The following NOS1AP variants were observed in gnomAD, a reference collection of about 807,000 sequenced individuals.
NOS1AP encodes nitric oxide synthase 1 adaptor protein.
NOS1AP carries 21 observed loss-of-function variants against 56.2 expected under a neutral mutation model. The ratio of observed to expected loss-of-function variants is 0.37; its 90% CI spans 0.26 to 0.54. The LOEUF (loss-of-function observed/expected upper bound fraction) is 0.54. Among genes scored for constraint, NOS1AP ranks in the 20% least tolerant of loss-of-function variants. The pLI is 0.84. For synonymous variants in NOS1AP, 270 were observed against 274.6 expected, an observed-to-expected ratio of 0.98 and a Z score of 0.17; for missense variants, 522 against 657.8, an observed-to-expected ratio of 0.79 and a Z score of 2.26.
At chr1:162,300,515 C>T (rs1389747780) in intron 3 of NOS1AP, 118 bp from the exon 4 acceptor site, 2 of 845,872 alleles carry the variant, frequency 2.4e-6, no homozygotes, top group Admixed American at 1.7e-5. Context: ...CAACTCCAGG[C>T]CTCTTAGAGG....
chr1:162,220,093 G>A (rs145204235), intron 2 of NOS1AP, among the ~76,000 whole-genome samples: 162 of 152,200 alleles, frequency 1.1e-3, no homozygotes, highest in African/African-American at 3.5e-3. Context: ...CATCATACCC[G>A]GCTAATTTTA....
At chr1:162,239,979 A>T (rs1410112712) in intron 2 of NOS1AP, among the ~76,000 whole-genome samples, 2 of 152,200 alleles carry the variant, frequency 1.3e-5, no homozygotes, top group Non-Finnish European at 2.9e-5. Context: ...TGCTTCAGTA[A>T]TGTGGCATCA....
At chr1:162,365,184 C>G in intron 8 of NOS1AP, 2 of 1,439,482 alleles carry the variant, frequency 1.4e-6, no homozygotes, top group South Asian at 3.0e-5. Context: ...CATGGCCCTC[C>G]CTTAGGACAC....
At chr1:162,264,470 C>CT (rs1557855374) in intron 2 of NOS1AP, among the ~76,000 whole-genome samples, 150 of 11,390 alleles carry the variant, frequency 0.013, no homozygotes, top group Non-Finnish European at 0.026. Context: ...CTTCTCCTCC[C>CT]CTCCCCTCCC....
intron 2 of NOS1AP, among the ~76,000 whole-genome samples, chr1:162,182,344 G>A (rs1360792379): frequency 6.6e-6 from 1 of 152,184 alleles, no homozygotes; most frequent in Non-Finnish European, 1.5e-5. Context: ...GCAATAAAAC[G>A]AGTATCTCAA....
intron 2 of NOS1AP, among the ~76,000 whole-genome samples, chr1:162,182,232 T>C (rs951225974): frequency 1.3e-5 from 2 of 152,080 alleles, no homozygotes; most frequent in African/African-American, 4.8e-5. Context: ...CTGTGCAGGG[T>C]ACTTTCATAC....
At chr1:162,196,883 C>T (rs1651823039) in intron 2 of NOS1AP, among the ~76,000 whole-genome samples, 1 of 152,196 alleles carries the variant, frequency 6.6e-6, no homozygotes, top group South Asian at 2.1e-4. Flanking sequence ...GGGCTGGAGG[C>T]CCCGCTATGG....
intron 2 of NOS1AP, among the ~76,000 whole-genome samples, chr1:162,240,165 A>G (rs182293711): frequency 4.6e-5 from 7 of 151,962 alleles, no homozygotes; most frequent in African/African-American, 1.7e-4. Context: ...AGCCACAACA[A>G]CTGCCAGCTG....
intron 2 of NOS1AP, among the ~76,000 whole-genome samples, chr1:162,248,938 C>A (rs972580756): frequency 6.6e-6 from 1 of 151,982 alleles, no homozygotes; most frequent in Non-Finnish European, 1.5e-5. Flanking sequence ...TTCCTTTTAT[C>A]AAGGGGTGAT....
intron 2 of NOS1AP, among the ~76,000 whole-genome samples, chr1:162,193,911 T>C (rs993239573): frequency 1.3e-5 from 2 of 152,174 alleles, no homozygotes; most frequent in Non-Finnish European, 2.9e-5. Flanking sequence ...GTTACCTTTC[T>C]GTCTGAGCTA....
intron 6 of NOS1AP, among the ~76,000 whole-genome samples, chr1:162,354,068 G>T (rs1224289494): frequency 1.3e-5 from 2 of 152,204 alleles, no homozygotes; most frequent in Non-Finnish European, 2.9e-5. Flanking sequence ...TAAATGCCAG[G>T]CTTGTTTCCC....
At chr1:162,279,714 G>T (rs1654857515) in intron 2 of NOS1AP, among the ~76,000 whole-genome samples, 1 of 152,118 alleles carries the variant, frequency 6.6e-6, no homozygotes, top group Non-Finnish European at 1.5e-5. Context: ...TTATAAAATG[G>T]GGTTTGTGTG....
intron 2 of NOS1AP, among the ~76,000 whole-genome samples, chr1:162,255,325 A>G (rs1028079425): frequency 2.0e-5 from 3 of 151,918 alleles, no homozygotes; most frequent in Non-Finnish European, 4.4e-5. Flanking sequence ...CTTTGCTGCA[A>G]TTTCCTGTTT....
chr1:162,357,097 CCAGCAG>C lies in NOS1AP; in HGVS notation c.913_918del (p.Gln305_Gln306del). The C allele has an allele frequency of 6.2e-7, 1 of 1,607,918 alleles. No individual in the cohort carries two copies. On this transcript the variant is annotated inframe_deletion, in exon 8 of 10. Transcript: ENST00000361897. ...AGATGCAGCTCCTCCAGCAGCTCCT[CCAGCAG>C]CAGCAGCAGCAGACACAAGTGGCTG...
chr1:162,333,459 T>C (rs1656840764), intron 5 of NOS1AP, among the ~76,000 whole-genome samples: 2 of 152,198 alleles, frequency 1.3e-5, no homozygotes, highest in Admixed American at 6.5e-5. Context: ...ATCACAATTC[T>C]GTATATTGAT....
chr1:162,326,033 G>T (rs886772047), intron 4 of NOS1AP, among the ~76,000 whole-genome samples: 26 of 152,162 alleles, frequency 1.7e-4, no homozygotes, highest in Non-Finnish European at 3.7e-4. Flanking sequence ...GAGAATATTT[G>T]TGCATCTGTT....
chr1:162,245,806 T>C lies in NOS1AP; in HGVS notation c.178-41538T>C, dbSNP rs1034607152. Among the ~76,000 whole-genome samples the C allele has an allele frequency of 7.2e-5, 11 of 152,362 alleles. No homozygotes were observed. The East Asian group carries it at 2.1e-3, about 29-fold the overall frequency. On this transcript the variant is annotated intron_variant, in intron 2 of 9. Coordinates refer to ENST00000361897, the MANE Select transcript of NOS1AP (RefSeq NM_014697.3). ...GTCAGAATGTCTTTAAGTATTCTCT[T>C]TTGGCATCTGGATTTGGCAATGGAG...
chr1:162,159,628 T>C (rs1238527416), intron 2 of NOS1AP, among the ~76,000 whole-genome samples: 1 of 152,214 alleles, frequency 6.6e-6, no homozygotes, highest in African/African-American at 2.4e-5. Flanking sequence ...TCTCATGTTC[T>C]GTGGCACCAC....
intron 2 of NOS1AP, among the ~76,000 whole-genome samples, chr1:162,244,829 A>G (rs1485882045): frequency 6.6e-6 from 1 of 152,206 alleles, no homozygotes; most frequent in African/African-American, 2.4e-5. Flanking sequence ...AATTGCTCCT[A>G]GTTGAGCTAA....
Sources: allele counts gnomAD v4.1 joint callset (sites outside exome capture counted in the v4.1 genomes callset), GRCh38; gene constraint gnomAD v4.1.1; transcripts MANE v1.5; gene names NCBI Gene and HGNC (gene_info 2026-07-23, HGNC 2026-07-21).